OGDH: variants seen among roughly 807,000 people sequenced by gnomAD.
The protein encoded by OGDH is 2-oxoglutarate dehydrogenase complex component E1.
OGDH carries 38 observed loss-of-function variants against 116.6 expected under a neutral mutation model. That is an observed-to-expected ratio of 0.33 (90% CI 0.25 to 0.43). OGDH has a LOEUF of 0.43. Ranked by LOEUF, OGDH falls within the 20% of genes least tolerant of loss-of-function variation. The pLI is 1.00. For synonymous variants in OGDH, 488 were observed against 533.3 expected (o/e 0.92, Z 1.17); for missense variants, 825 against 1,357.2 (o/e 0.61, Z 6.16).
At position 44,666,868 on chromosome 7, in the gene OGDH, G is replaced by A; in HGVS notation, c.633+17G>A. 6.5e-7 allele frequency: 1 copy of A among 1,537,936 alleles called. No individual in the cohort carries two copies. The stretch of plus-strand genomic sequence containing the variant: ...CGGCTGGAGGTAAGAGCAGTTTCTG[G>A]AAAAATCTAATGGACTTCTTAAGAA... On this transcript the variant is annotated intron_variant, in intron 5 of 22. Transcript: ENST00000222673.
intron 5 of OGDH, 99 bp downstream of exon 5, chr7:44,666,950 T>C (rs1379923327): frequency 8.4e-6 from 6 of 710,726 alleles, no homozygotes; most frequent in Non-Finnish European, 1.4e-5. Flanking sequence ...TGTCCTATCT[T>C]TCTATTTTAT....
chr7:44,654,560 T>C (rs574341252), intron 4 of OGDH, among the ~76,000 whole-genome samples: 2 of 152,202 alleles, frequency 1.3e-5, no homozygotes, highest in Non-Finnish European at 2.9e-5. Flanking sequence ...TAGTAAGCAT[T>C]GATTGCTATG....
Position 44,697,127 on chromosome 7 carries a change from G to C in OGDH, c.2051+63G>C. The C allele has an allele frequency of 6.4e-7, 1 of 1,572,520 alleles. No homozygotes were observed. The highest frequency in any genetic ancestry group is 2.3e-5 in the East Asian group (1 of 44,220). On this transcript the variant is annotated intron_variant, in intron 15 of 22. Coordinates refer to ENST00000222673, the MANE Select transcript of OGDH (RefSeq NM_002541.4). This position sits in a 1 kb window ranked among gnomAD's most constrained non-coding sequence, Gnocchi z 6.0. ...TAGAAGATGGAAAGGGAGGGGTTCT[G>C]GTGTTTCTTTTCCGGAAGACGGTTA...
intron 1 of OGDH, among the ~76,000 whole-genome samples, chr7:44,611,571 T>C (rs1784569362): frequency 6.6e-6 from 1 of 151,994 alleles, no homozygotes; most frequent in African/African-American, 2.4e-5. Context: ...CCACCGTGCC[T>C]GGCCTAATTT....
In OGDH at chr7:44,673,661, T is replaced by G. The variant is rs1787566672; in HGVS notation, c.634-126T>G. ...CCATCCCATCCTCAGTCACACTTGA[T>G]TGGAGTACATTTCAGAACAAGCCTC... On this transcript the variant is annotated intron_variant, in intron 5 of 22. Transcript: ENST00000222673. The G allele has an allele frequency of 1.3e-5, 12 of 897,330 alleles. No individual in the cohort carries two copies. The South Asian group carries it at 1.8e-4, about 14-fold the overall frequency. 55.6% of individuals were successfully genotyped at this position (897,330 alleles called of 1,614,324 possible).
rs1266874659 is a variant in OGDH, at chr7:44,709,022, CTT to C, written c.*1025_*1026del. On this transcript the variant is annotated 3_prime_UTR_variant, in exon 23 of 23. Coordinates refer to ENST00000222673, the MANE Select transcript of OGDH (RefSeq NM_002541.4). ...AAAAAAAAAAAAGGAACAGAAACAA[CTT>C]TGCATTGCATTGGCTTGACCCATAA... 2 of 151,468 alleles carry C rather than the reference CTT, an allele frequency of 1.3e-5. No homozygotes were observed. Among genetic ancestry groups the C allele is most frequent in the African/African-American group, 4.9e-5 (2 of 41,206 alleles). The allele number at this position is 151,468 out of a possible 1,614,324, so 9.4% of individuals were successfully genotyped here.
At chr7:44,696,636 C>T (rs1050276163) in intron 14 of OGDH, 79 bp downstream of exon 14, 3 of 1,570,202 alleles carry the variant, frequency 1.9e-6, no homozygotes, top group Non-Finnish European at 2.6e-6. Context: ...GTGACCTTGG[C>T]CCCCACCCAT....
chr7:44,683,086 TCA>T (rs1446662734), intron 10 of OGDH, among the ~76,000 whole-genome samples: 1 of 150,940 alleles, frequency 6.6e-6, no homozygotes, highest in Non-Finnish European at 1.5e-5. Context: ...GAGGTGGAGC[TCA>T]CAGTGAGCTG....
rs1001422483 is a variant in OGDH at position 44,701,457 on chromosome 7, T to G, written c.2560-86T>G. 2.1e-5 allele frequency: 25 copies of G among 1,185,650 alleles called. No individual in the cohort carries two copies. The African/African-American group carries it at 3.5e-4, about 16-fold the overall frequency. The allele number at this position is 1,185,650 out of a possible 1,614,324, so 73.4% of individuals were successfully genotyped here. A position where few individuals can be genotyped will look rare whatever the true frequency, so the allele number is the denominator to read the frequency against. On this transcript the variant is annotated intron_variant, in intron 19 of 22. Transcript: ENST00000222673. The stretch of plus-strand genomic sequence containing the variant: ...GCAGGTGTGTTTCATGGCCTGAAGG[T>G]CAAGGCTTGGGTAGCCTTGCTTTTG...
chr7:44,626,247 A>G (rs1246491188), intron 2 of OGDH, among the ~76,000 whole-genome samples: 1 of 141,452 alleles, frequency 7.1e-6, no homozygotes, highest in Admixed American at 7.3e-5. Context: ...ATGTGATATC[A>G]TGGATGTTAC....
Position 44,650,174 on chromosome 7 carries a change from C to T in OGDH, c.517+2415C>T, listed in dbSNP as rs142385412. Among the ~76,000 whole-genome samples the T allele has an allele frequency of 6.7e-3, 1,027 of 152,206 alleles. 36 individuals are homozygous for T. Among genetic ancestry groups the T allele is most frequent in the Admixed American group, 0.056 (861 of 15,282 alleles). ...GTCTTCAGGTACAAAAAATGGAAACCGCGTAAACTTGTTAAAACATTTGTA... is the reference window on the plus strand; with the variant it reads ...GTCTTCAGGTACAAAAAATGGAAACTGCGTAAACTTGTTAAAACATTTGTA... On this transcript the variant is annotated intron_variant, in intron 4 of 22. Coordinates refer to ENST00000222673, the MANE Select transcript of OGDH (RefSeq NM_002541.4).
Position 44,694,320 on chromosome 7 carries a change from A to G in OGDH, c.1516-104A>G, listed in dbSNP as rs568634559. On this transcript the variant is annotated intron_variant, in intron 11 of 22. Transcript: ENST00000222673. The surrounding 1 kb of genome is among the most constrained non-coding windows in gnomAD (Gnocchi z 4.2). ...AACTCCAGGGCAGGCATGAGGAATG[A>G]AGAACGTGGCCATCACCTAGGAGAG... The G allele has an allele frequency of 2.4e-4, 332 of 1,391,568 alleles. 2 individuals are homozygous for G. In the African/African-American group the frequency reaches 4.3e-3, roughly 18 times the overall value. The allele number at this position is 1,391,568 out of a possible 1,614,324, so 86.2% of individuals were successfully genotyped here. A position where few individuals can be genotyped will look rare whatever the true frequency, so the allele number is the denominator to read the frequency against.
intron 9 of OGDH, among the ~76,000 whole-genome samples, chr7:44,678,787 G>T (rs1787806828): frequency 6.6e-6 from 1 of 152,192 alleles, no homozygotes; most frequent in Non-Finnish European, 1.5e-5. Flanking sequence ...CATAGGACAT[G>T]ATTTGATTTC....
At chr7:44,625,768 T>TTAAAG (rs1785178538) in intron 2 of OGDH, among the ~76,000 whole-genome samples, 1 of 152,222 alleles carries the variant, frequency 6.6e-6, no homozygotes, top group African/African-American at 2.4e-5. Flanking sequence ...ACTGGGCTCC[T>TTAAAG]GTAAACAAGC....
At chr7:44,606,960 G>A (rs1465813215) in intron 1 of OGDH, among the ~76,000 whole-genome samples, 5 of 152,060 alleles carry the variant, frequency 3.3e-5, no homozygotes, top group Non-Finnish European at 7.4e-5. Context: ...GTGGGCGAGC[G>A]GGGGGCGGGC....
In OGDH at chr7:44,691,895, A is replaced by G. The variant is rs1459193340; in HGVS notation, c.1336-1930A>G. On this transcript the variant is annotated intron_variant, in intron 10 of 22. Coordinates refer to ENST00000222673, the MANE Select transcript of OGDH (RefSeq NM_002541.4). ...CTACGCAGGAGGCTGAGGCAGGAGA[A>G]TGGTGTGAACCCGGGAGGTGGAGCT... Among the ~76,000 whole-genome samples the G allele has an allele frequency of 2.0e-5, 3 of 149,326 alleles. No homozygotes were observed. In the Admixed American group the frequency reaches 2.0e-4, roughly 10 times the overall value.
At chr7:44,705,074 A>T in intron 20 of OGDH, among the ~76,000 whole-genome samples, 1 of 79,638 alleles carries the variant, frequency 1.3e-5, no homozygotes, top group African/African-American at 1.4e-4. Flanking sequence ...TTTTTTTGAG[A>T]CGGAGTCTCG....
chr7:44,696,277 G>A, intron 13 of OGDH, 150 bp downstream of exon 13: 1 of 1,096,110 alleles, frequency 9.1e-7, no homozygotes, highest in Non-Finnish European at 1.3e-6. Flanking sequence ...GCAGACCCTG[G>A]ACCCAGACCC....
In OGDH at chr7:44,687,378, A is replaced by G. The variant is rs375600905; in HGVS notation, c.1335+5530A>G. On this transcript the variant is annotated intron_variant, in intron 10 of 22. Coordinates refer to ENST00000222673, the MANE Select transcript of OGDH (RefSeq NM_002541.4). Reference sequence around the variant, plus strand: ...CTCCCAAAGTGCTGGGATTACAGGCATGAGCCACCATGGCCAGCCAAAAAA... The same window carrying G: ...CTCCCAAAGTGCTGGGATTACAGGCGTGAGCCACCATGGCCAGCCAAAAAA... Among the ~76,000 whole-genome samples, 18 of 151,278 alleles carry G rather than the reference A, an allele frequency of 1.2e-4. No individual in the cohort carries two copies. The East Asian group carries it at 3.5e-3, about 30-fold the overall frequency.
Sources: gnomAD v4.1 joint callset for allele counts (sites outside exome capture counted in the v4.1 genomes callset) on GRCh38, gnomAD v4.1.1 for gene constraint, Gnocchi (gnomAD v3.1) non-coding constraint, MANE v1.5 for transcripts, NCBI Gene and HGNC (gene_info 2026-07-23, HGNC 2026-07-21) for gene names.